The following NUP42 variants were observed in gnomAD, a reference collection of about 807,000 sequenced individuals.
NUP42 encodes nucleoporin NUP42.
In NUP42, 47 loss-of-function variants were observed where a neutral mutation model predicts 35.9. The ratio of observed to expected loss-of-function variants is 1.31; its 90% CI spans 1.04 to 1.67. The LOEUF (loss-of-function observed/expected upper bound fraction) is 1.67, where lower values mean the gene tolerates loss of function less well. Ranked by LOEUF, NUP42 falls within the 40% of genes most tolerant of loss-of-function variation. The pLI, the probability that NUP42 is intolerant of heterozygous loss-of-function variation, is 0.00. For synonymous variants in NUP42, 173 were observed against 173.3 expected, an observed-to-expected ratio of 1.00 and a Z score of 0.01; for missense variants, 514 against 492.2, an observed-to-expected ratio of 1.04 and a Z score of -0.42.
At chr7:23,192,925 G>A (rs1056323395) in intron 3 of NUP42, among the ~76,000 whole-genome samples, 1 of 152,216 alleles carries the variant, frequency 6.6e-6, no homozygotes, top group South Asian at 2.1e-4. Context: ...CGCGGTGAGT[G>A]TTACAGTTCT....
intron 3 of NUP42, chr7:23,195,593 G>T (rs746492184): frequency 9.9e-5 from 34 of 343,218 alleles, no homozygotes; most frequent in Non-Finnish European, 8.8e-5. Context: ...TCCTGTGTTT[G>T]TTGTTCATTC....
intron 3 of NUP42, chr7:23,188,068 CG>C: frequency 6.9e-7 from 1 of 1,444,674 alleles, no homozygotes; most frequent in Non-Finnish European, 9.1e-7. Context: ...CCTAGACCAC[CG>C]GGCTTTCCCA....
At chr7:23,196,047 T>C (rs1163714741) in intron 4 of NUP42, 132 bp downstream of exon 4, 1 of 414,308 alleles carries the variant, frequency 2.4e-6, no homozygotes, top group African/African-American at 2.1e-5. Context: ...TATTTTTCTT[T>C]TCTATATTAT....
intron 6 of NUP42, 123 bp from the exon 7 acceptor site, chr7:23,200,045 A>C (rs1786155392): frequency 4.2e-6 from 3 of 721,526 alleles, no homozygotes; most frequent in Non-Finnish European, 6.7e-6. Flanking sequence ...TCCGTCCAGT[A>C]AGCTTCTCAA....
rs575749494 is a variant in NUP42 at position 23,182,333 on chromosome 7, A to G, written c.121+127A>G. 10 of 1,473,188 alleles carry G rather than the reference A, an allele frequency of 6.8e-6. No homozygotes were observed. The African/African-American group carries it at 1.1e-4, about 17-fold the overall frequency. 91.3% of individuals were successfully genotyped at this position (1,473,188 alleles called of 1,614,324 possible). ...CCCGCGTCGCGGCCTTGCCGGCCCTACTGGGCCCTGCACAACGTTTTTAAA... is the reference window on the plus strand; with the variant it reads ...CCCGCGTCGCGGCCTTGCCGGCCCTGCTGGGCCCTGCACAACGTTTTTAAA... On this transcript the variant is annotated intron_variant, in intron 1 of 6. Transcript: ENST00000258742.
At chr7:23,188,349 C>A in intron 3 of NUP42, 1 of 1,121,434 alleles carries the variant, frequency 8.9e-7, no homozygotes, top group South Asian at 4.5e-5. Flanking sequence ...ATGAATCTTA[C>A]ATTCTTGAGG....
rs1785555727 is a variant in NUP42 at position 23,185,354 on chromosome 7, C to T, written c.350+56C>T. ...CCATTTGCTTATGTTTTTTCACCTA[C>T]AATCTTTGTTGTTTCTCTTTTTTTG... On this transcript the variant is annotated intron_variant, in intron 2 of 6. Coordinates refer to ENST00000258742, the MANE Select transcript of NUP42 (RefSeq NM_007342.3). The T allele has an allele frequency of 5.1e-6, 6 of 1,167,702 alleles. No individual in the cohort carries two copies. The Admixed American group carries it at 8.5e-5, about 16-fold the overall frequency. 72.3% of individuals were successfully genotyped at this position (1,167,702 alleles called of 1,614,324 possible). A position where few individuals can be genotyped will look rare whatever the true frequency, so the allele number is the denominator to read the frequency against.
At chr7:23,185,854 C>T (rs141218367) in intron 2 of NUP42, among the ~76,000 whole-genome samples, 1,572 of 152,280 alleles carry the variant, frequency 0.01, 42 homozygotes, top group South Asian at 0.055. Flanking sequence ...ATTCTTCTGC[C>T]TCAGCCTCCC....
At chr7:23,197,204 C>A in intron 5 of NUP42, 1 of 1,301,588 alleles carries the variant, frequency 7.7e-7, no homozygotes, top group Non-Finnish European at 1.0e-6. Context: ...ACCCACCTGT[C>A]TCCAAAGATC....
At chr7:23,192,602 A>C (rs537798344) in intron 3 of NUP42, among the ~76,000 whole-genome samples, 1 of 152,130 alleles carries the variant, frequency 6.6e-6, no homozygotes, top group South Asian at 2.1e-4. Flanking sequence ...TATATTGACC[A>C]TTCACATAGT....
At position 23,182,064 on chromosome 7, in the gene NUP42, C is replaced by G. The variant is rs559000738; in HGVS notation, c.-22C>G. On this transcript the variant is annotated 5_prime_UTR_variant, in exon 1 of 7. Coordinates refer to ENST00000258742, the MANE Select transcript of NUP42 (RefSeq NM_007342.3). ...TCGAACGGTGCAGACTGAAGACGCC[C>G]TCCGTCAGCGACGCCGTCGCAATGG... 1.9e-6 allele frequency: 3 copies of G among 1,612,768 alleles called. No homozygotes were observed. Among genetic ancestry groups the G allele is most frequent in the African/African-American group, 1.3e-5 (1 of 74,954 alleles).
intron 1 of NUP42, among the ~76,000 whole-genome samples, chr7:23,182,820 A>G (rs1468144681): frequency 6.7e-6 from 1 of 150,308 alleles, no homozygotes; most frequent in African/African-American, 2.4e-5. Flanking sequence ...AGGCTGAGAC[A>G]GGAGAATCGC....
chr7:23,199,368 A>G, intron 5 of NUP42, 90 bp from the exon 6 acceptor site: 1 of 1,127,722 alleles, frequency 8.9e-7, no homozygotes, highest in South Asian at 1.3e-5. Context: ...GCACATTTTA[A>G]AAACTTGAAT....
rs1786056867 is a variant in NUP42 at position 23,197,581 on chromosome 7, A to G, written c.609+815A>G. Among the ~76,000 whole-genome samples the G allele has an allele frequency of 4.6e-5, 7 of 152,180 alleles. No homozygotes were observed. The South Asian group carries it at 1.5e-3, about 32-fold the overall frequency. ...GAGAGGTGGCCCACCATCACCATGG[A>G]TGAGAGCTGATGGAGAAAGGATAAC... On this transcript the variant is annotated intron_variant, in intron 5 of 6. Transcript: ENST00000258742.
chr7:23,199,372 C>T (rs1786126752), intron 5 of NUP42, 86 bp from the exon 6 acceptor site: 3 of 1,163,086 alleles, frequency 2.6e-6, no homozygotes, highest in East Asian at 2.4e-5. Context: ...ATTTTAAAAA[C>T]TTGAATTTGT....
At chr7:23,183,699 T>C (rs181305495) in intron 1 of NUP42, among the ~76,000 whole-genome samples, 14 of 137,648 alleles carry the variant, frequency 1.0e-4, no homozygotes, top group Non-Finnish European at 1.8e-4. Context: ...TGTATTTAGC[T>C]CCCAGAAACA....
At position 23,199,508 on chromosome 7, in the gene NUP42, T is replaced by C; in HGVS notation, c.660T>C (p.Phe220=). ...ATCAAGCAGCACCTGCATTTGGATT[T>C]GGCAGCAGTCAAGCAGCAACATTTA... ...GVNQAAPAFG[F]GSSQAATFMS... is the part of the protein sequence containing the mutation. Residue 220 remains phenylalanine (F), a synonymous_variant, in exon 6 of 7, where the codon TTT becomes TTC. Transcript: ENST00000258742. The C allele has an allele frequency of 6.2e-7, 1 of 1,614,152 alleles. No homozygotes were observed. Among genetic ancestry groups the C allele is most frequent in the Non-Finnish European group, 8.5e-7 (1 of 1,180,012 alleles).
chr7:23,182,542 G>C (rs1371680544), intron 1 of NUP42: 4 of 1,041,360 alleles, frequency 3.8e-6, no homozygotes, highest in Non-Finnish European at 4.7e-6. Context: ...TCGAGGGTGA[G>C]GCTAGCAGCT....
In NUP42 at chr7:23,197,837, C is replaced by CA. The variant is rs754095271; in HGVS notation, c.609+1084dup. Among the ~76,000 whole-genome samples the CA allele has an allele frequency of 1.9e-3, 261 of 136,816 alleles. 1 individual carries two copies. The highest frequency in any genetic ancestry group is 7.5e-3 in the Middle Eastern group (2 of 268). The allele number at this position is 136,816 out of a possible 152,430, so 89.8% of individuals were successfully genotyped here. A position where few individuals can be genotyped will look rare whatever the true frequency, so the allele number is the denominator to read the frequency against. The stretch of plus-strand genomic sequence containing the variant: ...TTACACTGAGGGAGAGAAACCAGAC[C>CA]AAAAAAAAAAAAATAGTGTAGACCA... On this transcript the variant is annotated intron_variant, in intron 5 of 6. Coordinates refer to ENST00000258742, the MANE Select transcript of NUP42 (RefSeq NM_007342.3).
Sources: allele counts gnomAD v4.1 joint callset (sites outside exome capture counted in the v4.1 genomes callset), GRCh38; gene constraint gnomAD v4.1.1; transcripts MANE v1.5; gene names NCBI Gene and HGNC (gene_info 2026-07-23, HGNC 2026-07-21).